Variants in OLAH observed in about 807,000 individuals in gnomAD.
OLAH encodes oleoyl-ACP hydrolase, also known as S-acyl fatty acid synthase thioesterase, medium chain.
A neutral mutation model predicts 27.8 loss-of-function variants in OLAH; 33 were observed. The ratio of observed to expected loss-of-function variants is 1.19; its 90% CI spans 0.90 to 1.59. The LOEUF is 1.59. Ranked by LOEUF, OLAH falls within the 40% of genes most tolerant of loss-of-function variation. OLAH has a pLI of 0.00. For missense variants in OLAH, 359 were observed against 310.8 expected (o/e 1.16, Z -1.17); for synonymous variants, 120 against 102.9 (o/e 1.17, Z -1.01).
At chr10:15,067,273 T>C (rs1844487026) in intron 6 of OLAH, among the ~76,000 whole-genome samples, 1 of 152,182 alleles carries the variant, frequency 6.6e-6, no homozygotes, top group Non-Finnish European at 1.5e-5. Context: ...TGGTGAAACA[T>C]GCCATCTTTA....
chr10:15,051,262 G>C (rs557626916), intron 3 of OLAH, among the ~76,000 whole-genome samples: 3 of 152,106 alleles, frequency 2.0e-5, no homozygotes, highest in African/African-American at 7.2e-5. Context: ...TTTTAGTAGA[G>C]ACGAGGTTTC....
At chr10:15,061,575 C>A in intron 3 of OLAH, 149 bp from the exon 4 acceptor site, 1 of 610,966 alleles carries the variant, frequency 1.6e-6, no homozygotes, top group Non-Finnish European at 2.5e-6. Context: ...TTATTATCAG[C>A]AAATTCTAAA....
chr10:15,063,104 A>C (rs780641454), intron 4 of OLAH, among the ~76,000 whole-genome samples: 5 of 152,028 alleles, frequency 3.3e-5, no homozygotes, highest in Non-Finnish European at 7.4e-5. Flanking sequence ...AAATTCTCAG[A>C]ATTTATGTTA....
chr10:15,063,600 T>C (rs546893628), intron 4 of OLAH, among the ~76,000 whole-genome samples: 1 of 152,290 alleles, frequency 6.6e-6, no homozygotes, highest in African/African-American at 2.4e-5. Flanking sequence ...ATATCAACAT[T>C]TTCAATCCCA....
intron 6 of OLAH, among the ~76,000 whole-genome samples, chr10:15,067,189 A>T (rs1354501238): frequency 1.3e-5 from 2 of 152,230 alleles, no homozygotes. Flanking sequence ...ACTGAGAAGT[A>T]ATCCAAATCA....
At position 15,047,303 on chromosome 10, in the gene OLAH, C is replaced by T. The variant is rs781542296; in HGVS notation, c.15C>T (p.Asp5=). 6 of 1,613,496 alleles carry T rather than the reference C, an allele frequency of 3.7e-6. No homozygotes were observed. The highest frequency in any genetic ancestry group is 5.1e-6 in the Non-Finnish European group (6 of 1,179,844). The change falls in exon 2 of 8, where the codon GAC becomes GAT. Residue 5 remains aspartate (D), a synonymous_variant. Transcript: ENST00000378228. ...CACCTCACAGCATGGAGAGAGGAGACCAACCTAAGAGAACCAGGCAGGCCA... is the reference window on the plus strand; with the variant it reads ...CACCTCACAGCATGGAGAGAGGAGATCAACCTAAGAGAACCAGGCAGGCCA... MERG[D]QPKRTRNENI... is the part of the protein sequence containing the mutation.
intron 2 of OLAH, among the ~76,000 whole-genome samples, chr10:15,048,406 C>A (rs1035496460): frequency 6.6e-6 from 1 of 152,160 alleles, no homozygotes; most frequent in Non-Finnish European, 1.5e-5. Context: ...TTAGTAGAGA[C>A]AGGGCTTCGC....
upstream of OLAH, among the ~76,000 whole-genome samples, chr10:15,042,853 T>TC (rs1162842881): frequency 4.7e-4 from 61 of 130,788 alleles, no homozygotes; most frequent in East Asian, 0.012. Flanking sequence ...ACGTGTCTTT[T>TC]TTTTTTTTTT....
chr10:15,055,541 C>A (rs1482152827), intron 3 of OLAH, among the ~76,000 whole-genome samples: 1 of 152,096 alleles, frequency 6.6e-6, no homozygotes, highest in East Asian at 1.9e-4. Flanking sequence ...AGAAAATAAT[C>A]CATTCATTGG....
At position 15,070,602 on chromosome 10, in the gene OLAH, T is replaced by A. The variant is rs7394382; in HGVS notation, c.573-1193T>A. 5.3e-5 allele frequency among the ~76,000 whole-genome samples: 8 copies of A among 151,652 alleles called. No individual in the cohort carries two copies. The East Asian group carries it at 1.4e-3, about 26-fold the overall frequency. ...CAGGTTCAAGGGATTCTCCTGCCTC[T>A]GCCTCCCAAGTAGCTCATTACGGGC... On this transcript the variant is annotated intron_variant, in intron 6 of 7. Transcript: ENST00000378228.
At chr10:15,044,444 AT>A (rs1471394613) in intron 1 of OLAH, among the ~76,000 whole-genome samples, 11 of 150,626 alleles carry the variant, frequency 7.3e-5, no homozygotes, top group Admixed American at 3.3e-4. Context: ...ATATATATAT[AT>A]TTTTTTCTTT....
chr10:15,048,286 C>T lies in OLAH; in HGVS notation c.32+966C>T, dbSNP rs561514764. On this transcript the variant is annotated intron_variant, in intron 2 of 7. Transcript: ENST00000378228. ...AGGCTGGAGAGCGGTGGTGCGATCT[C>T]GGCTCACTGCAACCCCCCCCTCCTG... Among the ~76,000 whole-genome samples, 453 of 152,142 alleles carry T rather than the reference C, an allele frequency of 3.0e-3. 1 individual carries two copies. The highest frequency in any genetic ancestry group is 4.8e-3 in the Non-Finnish European group (328 of 68,016).
intron 6 of OLAH, among the ~76,000 whole-genome samples, chr10:15,066,604 A>T (rs982808254): frequency 1.1e-4 from 16 of 145,410 alleles, no homozygotes; most frequent in African/African-American, 3.3e-4. Context: ...TCCTATTTTT[A>T]TTTTATTTAT....
intron 1 of OLAH, among the ~76,000 whole-genome samples, chr10:15,046,441 T>G (rs983555183): frequency 1.3e-5 from 2 of 152,128 alleles, no homozygotes; most frequent in Non-Finnish European, 2.9e-5. Flanking sequence ...GTGAAGCCTT[T>G]TTTTAGAATC....
chr10:15,036,924 C>T (rs377110407), intron 1 of OLAH, among the ~76,000 whole-genome samples: 36 of 151,932 alleles, frequency 2.4e-4, no homozygotes, highest in South Asian at 1.0e-3. Context: ...ACTAAAAATA[C>T]GAAAATTAGC....
At chr10:15,059,101 C>T (rs1476302102) in intron 3 of OLAH, among the ~76,000 whole-genome samples, 1 of 48,574 alleles carries the variant, frequency 2.1e-5, no homozygotes, top group African/African-American at 8.2e-5. Context: ...CCCTCCCTCC[C>T]TCTCTCCTTC....
intron 5 of OLAH, 100 bp downstream of exon 5, chr10:15,064,602 A>T: frequency 1.5e-6 from 1 of 648,132 alleles, no homozygotes; most frequent in Non-Finnish European, 2.6e-6. Flanking sequence ...CTGGTCCAGT[A>T]TGATGATGAT....
chr10:15,055,996 T>C (rs976716804), intron 3 of OLAH, among the ~76,000 whole-genome samples: 1 of 152,090 alleles, frequency 6.6e-6, no homozygotes, highest in African/African-American at 2.4e-5. Context: ...ATTATAGGCA[T>C]GTACCACTAT....
chr10:15,055,489 T>C (rs916171699), intron 3 of OLAH, among the ~76,000 whole-genome samples: 2 of 152,206 alleles, frequency 1.3e-5, no homozygotes, highest in African/African-American at 4.8e-5. Context: ...AGTCTCGTCC[T>C]TTCTACATGC....
Sources: allele counts gnomAD v4.1 joint callset (sites outside exome capture counted in the v4.1 genomes callset), GRCh38; gene constraint gnomAD v4.1.1; transcripts MANE v1.5; gene names NCBI Gene and HGNC (gene_info 2026-07-23, HGNC 2026-07-21).